ADGRL2: variants seen among roughly 807,000 people sequenced by gnomAD.
The protein encoded by ADGRL2 is calcium-independent alpha-latrotoxin receptor 2.
In ADGRL2, 44 loss-of-function variants were observed where a neutral mutation model predicts 157.4. The ratio of observed to expected loss-of-function variants is 0.28; its 90% CI spans 0.22 to 0.36. ADGRL2 has a LOEUF of 0.36. Among genes scored for constraint, ADGRL2 ranks in the 10% least tolerant of loss-of-function variants. The pLI, the probability that ADGRL2 is intolerant of heterozygous loss-of-function variation, is 1.00. For synonymous variants in ADGRL2, 585 were observed against 624.7 expected, an observed-to-expected ratio of 0.94 and a Z score of 0.95; for missense variants, 1,510 against 1,768.9, an observed-to-expected ratio of 0.85 and a Z score of 2.63.
intron 3 of ADGRL2, among the ~76,000 whole-genome samples, chr1:81,609,438 AAT>A (rs2081497369): frequency 6.6e-6 from 1 of 152,168 alleles, no homozygotes; most frequent in African/African-American, 2.4e-5. Flanking sequence ...TAATAGTTAT[AAT>A]CATCCCATGC....
At chr1:81,954,489 A>G (rs907913434) in intron 10 of ADGRL2, among the ~76,000 whole-genome samples, 9 of 152,192 alleles carry the variant, frequency 5.9e-5, no homozygotes, top group African/African-American at 2.2e-4. Context: ...GACTTACACT[A>G]TGCAAATGAA....
At chr1:81,867,083 A>G (rs1425868385) in intron 2 of ADGRL2, among the ~76,000 whole-genome samples, 1 of 152,216 alleles carries the variant, frequency 6.6e-6, no homozygotes, top group Non-Finnish European at 1.5e-5. Flanking sequence ...AGACACAAGA[A>G]TTTGAGATCT....
Position 81,970,365 on chromosome 1 carries a change from T to A in ADGRL2, c.2785T>A (p.Phe929Ile). 6.3e-7 allele frequency: 1 copy of A among 1,598,414 alleles called. No homozygotes were observed. Among genetic ancestry groups the A allele is most frequent in the South Asian group, 1.1e-5 (1 of 87,532 alleles). The stretch of plus-strand genomic sequence containing the variant: ...TCTACACTTTTTCTTTTTGGCAGCT[T>A]TTGCTTGGATGTGCCTAGAAGGTGT... The part of the protein sequence containing the change: ...GLLHFFFLAA[F>I]AWMCLEGVQL... The change falls in exon 16 of 24, where the codon TTT (phenylalanine) becomes ATT (isoleucine). Residue 929 changes from phenylalanine (F) to isoleucine (I), a missense_variant. This residue lies in a region of ADGRL2 where 497 missense variants were observed against 627.2 expected (regional missense o/e 0.79). Transcript: ENST00000686636.
intron 2 of ADGRL2, among the ~76,000 whole-genome samples, chr1:81,481,763 G>A (rs1374059950): frequency 1.3e-5 from 2 of 152,084 alleles, no homozygotes; most frequent in Non-Finnish European, 2.9e-5. Flanking sequence ...TTTGAAAATG[G>A]CAGATTACAT....
chr1:81,464,837 T>C (rs1011362939), intron 2 of ADGRL2, among the ~76,000 whole-genome samples: 3 of 151,516 alleles, frequency 2.0e-5, no homozygotes, highest in African/African-American at 7.3e-5. Flanking sequence ...TAGTTTCTTT[T>C]GCAATATCCG....
At chr1:81,871,555 T>G (rs1205349382) in intron 2 of ADGRL2, among the ~76,000 whole-genome samples, 1 of 152,180 alleles carries the variant, frequency 6.6e-6, no homozygotes, top group Non-Finnish European at 1.5e-5. Flanking sequence ...CCACCAGCAG[T>G]GTAAAAGTGA....
intron 11 of ADGRL2, among the ~76,000 whole-genome samples, chr1:81,960,762 C>T (rs949180519): frequency 2.6e-5 from 4 of 151,996 alleles, no homozygotes; most frequent in African/African-American, 4.8e-5. Context: ...TGTGAGCCAC[C>T]GCCCCTGGCC....
chr1:81,969,088 T>C (rs1346026416), intron 14 of ADGRL2, 90 bp from the exon 15 acceptor site: 1 of 907,360 alleles, frequency 1.1e-6, no homozygotes. Context: ...AGTTCAGTAG[T>C]AAAAGATGAG....
At chr1:81,515,540 G>T (rs1416321637) in intron 2 of ADGRL2, among the ~76,000 whole-genome samples, 1 of 151,772 alleles carries the variant, frequency 6.6e-6, no homozygotes, top group Non-Finnish European at 1.5e-5. Context: ...ATAGTAGTTG[G>T]TCATTCACTT....
At chr1:81,924,080 C>G (rs1279404583) in intron 3 of ADGRL2, among the ~76,000 whole-genome samples, 1 of 152,104 alleles carries the variant, frequency 6.6e-6, no homozygotes, top group African/African-American at 2.4e-5. Context: ...GGAATATAAT[C>G]CTGTTTGGCC....
intron 1 of ADGRL2, among the ~76,000 whole-genome samples, chr1:81,440,808 C>T (rs1179502246): frequency 1.3e-5 from 2 of 152,216 alleles, no homozygotes; most frequent in East Asian, 1.9e-4. Flanking sequence ...CTGCACGTCT[C>T]AGCAATTGCC....
Position 81,408,033 on chromosome 1 carries a change from G to C in ADGRL2, c.-301-37003G>C, listed in dbSNP as rs535982108. Reference sequence around the variant, plus strand: ...TATAGACAATGAGGTTGTTACACAAGACACACACAGGAAAAAGGAAGAGGC... The same window carrying C: ...TATAGACAATGAGGTTGTTACACAACACACACACAGGAAAAAGGAAGAGGC... On this transcript the variant is annotated intron_variant, in intron 1 of 24. Coordinates refer to the ADGRL2 transcript ENST00000370721. Among the ~76,000 whole-genome samples the C allele has an allele frequency of 3.9e-5, 6 of 152,246 alleles. No individual in the cohort carries two copies. The South Asian group carries it at 1.2e-3, about 32-fold the overall frequency.
intron 1 of ADGRL2, among the ~76,000 whole-genome samples, chr1:81,406,373 A>T (rs2101350594): frequency 6.6e-6 from 1 of 152,364 alleles, no homozygotes; most frequent in East Asian, 1.9e-4. Context: ...ATAATGGCAC[A>T]AATCTTGAGT....
In ADGRL2 at chr1:81,836,889, G is replaced by A. The variant is rs769635836; in HGVS notation, c.-96G>A. 1.3e-4 allele frequency: 91 copies of A among 687,702 alleles called. No individual in the cohort carries two copies. Among genetic ancestry groups the A allele is most frequent in the South Asian group, 7.5e-4 (41 of 54,536 alleles). 42.6% of individuals were successfully genotyped at this position (687,702 alleles called of 1,614,324 possible). A position where few individuals can be genotyped will look rare whatever the true frequency, so the allele number is the denominator to read the frequency against. ...ATGGATTTGTTTGTTTTTCAGATAT[G>A]AAGATCAATGATGCAGACTGATGGT... On this transcript the variant is annotated 5_prime_UTR_variant, in exon 2 of 24. The change abolishes an upstream ATG in the 5' untranslated region. Transcript: ENST00000686636.
intron 15 of ADGRL2, among the ~76,000 whole-genome samples, chr1:81,969,765 T>C (rs963704936): frequency 5.9e-5 from 9 of 152,172 alleles, no homozygotes; most frequent in Non-Finnish European, 1.2e-4. Context: ...GAGGTCTTAA[T>C]ATCAGAAACA....
chr1:81,874,635 T>TTGTCCTGTCC (rs1210488629), intron 2 of ADGRL2, among the ~76,000 whole-genome samples: 2,646 of 112,808 alleles, frequency 0.023, 95 homozygotes, highest in African/African-American at 0.075. Flanking sequence ...TTGTCTTGTC[T>TTGTCCTGTCC]TGTCCTGTCC....
intron 3 of ADGRL2, among the ~76,000 whole-genome samples, chr1:81,668,339 C>G (rs982580775): frequency 2.6e-5 from 4 of 151,410 alleles, no homozygotes; most frequent in South Asian, 2.1e-4. Context: ...GCAGAAGAAT[C>G]GCATGAACCT....
intron 2 of ADGRL2, among the ~76,000 whole-genome samples, chr1:81,458,293 G>A (rs111333652): frequency 0.013 from 1,917 of 152,238 alleles, 30 homozygotes; most frequent in East Asian, 0.041. Context: ...ATAACATGTT[G>A]TTACCTATAG....
At position 81,990,589 on chromosome 1, in the gene ADGRL2, G is replaced by C. The variant is rs766477471; in HGVS notation, c.3854G>C (p.Ser1285Thr). The change falls in exon 24 of 24, where the codon AGC becomes ACC. Residue 1285 changes from serine (S) to threonine (T), a missense_variant. Ser to Thr is a moderately conservative substitution (Grantham distance 58). This residue lies in a region of ADGRL2 where 327 missense variants were observed against 310.1 expected (regional missense o/e 1.05). Transcript: ENST00000686636. ...TTAGTGCACAACAACTTACGGGGCAGCAGCAAGACTCACAACCTCGAGCTC... is the reference window on the plus strand; with the variant it reads ...TTAGTGCACAACAACTTACGGGGCACCAGCAAGACTCACAACCTCGAGCTC... ...SELVHNNLRG[S>T]SKTHNLELTL... 3 of 1,614,018 alleles carry C rather than the reference G, an allele frequency of 1.9e-6. No individual in the cohort carries two copies. The highest frequency in any genetic ancestry group is 2.5e-6 in the Non-Finnish European group (3 of 1,180,020).
Sources: gnomAD v4.1 joint callset for allele counts (sites outside exome capture counted in the v4.1 genomes callset) on GRCh38, gnomAD v4.1.1 for gene constraint, gnomAD v4.1.1 regional missense constraint, MANE v1.5 for transcripts, NCBI Gene and HGNC (gene_info 2026-07-23, HGNC 2026-07-21) for gene names.